The following LPAR1 variants were observed in gnomAD, a reference collection of about 807,000 sequenced individuals.
The protein encoded by LPAR1 is lysophosphatidic acid receptor 1.
Under a neutral mutation model 23.8 loss-of-function variants are expected in LPAR1, and 5 were observed. The observed-to-expected ratio is 0.21, with a 90% CI of 0.11 to 0.44. LPAR1 has a LOEUF of 0.44. LPAR1 is among the 20% of genes least tolerant of loss of function. LPAR1 has a pLI of 0.99. For synonymous variants in LPAR1, 160 were observed against 164.7 expected, an observed-to-expected ratio of 0.97 and a Z score of 0.22; for missense variants, 311 against 482.8, an observed-to-expected ratio of 0.64 and a Z score of 3.33.
chr9:110,949,438 G>T (rs1217064982), intron 4 of LPAR1, among the ~76,000 whole-genome samples: 1 of 152,124 alleles, frequency 6.6e-6, no homozygotes, highest in Non-Finnish European at 1.5e-5. Flanking sequence ...ATTCTTTAAT[G>T]CTTAGTCTTA....
chr9:110,959,825 T>C (rs1349687702), intron 4 of LPAR1, among the ~76,000 whole-genome samples: 2 of 152,008 alleles, frequency 1.3e-5, no homozygotes, highest in African/African-American at 4.8e-5. Context: ...TAAAAAAGAA[T>C]GAAATCATGT....
At chr9:110,962,260 G>C (rs118179613) in intron 4 of LPAR1, among the ~76,000 whole-genome samples, 1 of 152,152 alleles carries the variant, frequency 6.6e-6, no homozygotes, top group African/African-American at 2.4e-5. Flanking sequence ...TGTCAGAGGT[G>C]AGCCCTGCAC....
rs1397783015 is a variant in LPAR1, at chr9:110,875,160, G to A, written c.*261C>T. 1 of 387,930 alleles carries A rather than the reference G, an allele frequency of 2.6e-6. No individual in the cohort carries two copies. Among genetic ancestry groups the A allele is most frequent in the Non-Finnish European group, 4.6e-6 (1 of 216,040 alleles). 24.0% of individuals were successfully genotyped at this position (387,930 alleles called of 1,614,324 possible). ...AGTCTAAATGGACACTCCAGAGTCT[G>A]TTCTTGAATTCCATTGCAAGAGCTC... On this transcript the variant is annotated 3_prime_UTR_variant, in exon 6 of 6. Transcript: ENST00000683809.
chr9:111,001,669 A>G (rs555285205), intron 2 of LPAR1, among the ~76,000 whole-genome samples: 1 of 152,312 alleles, frequency 6.6e-6, no homozygotes, highest in Non-Finnish European at 1.5e-5. Flanking sequence ...ATTTCCTTTT[A>G]GCTTCATTTC....
At chr9:111,001,908 T>C (rs1174035576) in intron 2 of LPAR1, among the ~76,000 whole-genome samples, 5 of 152,176 alleles carry the variant, frequency 3.3e-5, no homozygotes, top group African/African-American at 4.8e-5. Context: ...AAATAATACA[T>C]ACAGCTTCTG....
In LPAR1 at chr9:110,963,042, G is replaced by A. The variant is rs2096062607; in HGVS notation, c.45+9031C>T. Among the ~76,000 whole-genome samples the A allele has an allele frequency of 2.6e-5, 4 of 152,168 alleles. No homozygotes were observed. The South Asian group carries it at 8.3e-4, about 32-fold the overall frequency. ...GTATGAAAACGAGATTGGGCAAACA[G>A]TTCCCTAATGGGCAAGAAGTGGGAA... is the stretch of plus-strand genomic sequence containing the variant. On this transcript the variant is annotated intron_variant, in intron 4 of 5. Coordinates refer to ENST00000683809, the MANE Select transcript of LPAR1 (RefSeq NM_001351411.2).
intron 5 of LPAR1, among the ~76,000 whole-genome samples, chr9:110,909,729 GTATTTATTTATTTATT>G (rs56693702): frequency 6.8e-5 from 10 of 147,876 alleles, no homozygotes; most frequent in African/African-American, 2.3e-4. Context: ...ATTAAATAAA[GTATTTATTTATTTATT>G]TATTTATTTA....
chr9:110,922,756 C>T (rs2093714476), intron 5 of LPAR1, among the ~76,000 whole-genome samples: 2 of 151,050 alleles, frequency 1.3e-5, no homozygotes. Flanking sequence ...TTAAAGTTGT[C>T]TAGGGAAGAT....
intron 5 of LPAR1, among the ~76,000 whole-genome samples, chr9:110,892,616 A>G (rs905835280): frequency 6.6e-5 from 10 of 150,730 alleles, no homozygotes; most frequent in African/African-American, 2.4e-4. Flanking sequence ...CTCAGCTGAG[A>G]TCATGCCACT....
At chr9:110,924,647 A>G (rs545355375) in intron 5 of LPAR1, among the ~76,000 whole-genome samples, 2 of 152,212 alleles carry the variant, frequency 1.3e-5, no homozygotes, top group African/African-American at 2.4e-5. Flanking sequence ...AGCCTGAGCA[A>G]CATAGCAATA....
At chr9:110,982,640 AT>A (rs2096694797) in intron 2 of LPAR1, among the ~76,000 whole-genome samples, 1 of 151,978 alleles carries the variant, frequency 6.6e-6, no homozygotes. Flanking sequence ...AAAAATAAAA[AT>A]AAAAAAATTT....
At chr9:110,896,768 T>C (rs1308714011) in intron 5 of LPAR1, among the ~76,000 whole-genome samples, 2 of 151,162 alleles carry the variant, frequency 1.3e-5, no homozygotes, top group Non-Finnish European at 2.9e-5. Context: ...TATTTGAATA[T>C]GCAACTATTT....
At chr9:110,929,931 C>T (rs1404790172) in intron 5 of LPAR1, among the ~76,000 whole-genome samples, 1 of 152,068 alleles carries the variant, frequency 6.6e-6, no homozygotes, top group Non-Finnish European at 1.5e-5. Flanking sequence ...AGAAATGATG[C>T]TTCGAGTTGC....
At chr9:110,897,653 T>C (rs1466812455) in intron 5 of LPAR1, among the ~76,000 whole-genome samples, 1 of 152,150 alleles carries the variant, frequency 6.6e-6, no homozygotes, top group Non-Finnish European at 1.5e-5. Context: ...GTTCTTCAAA[T>C]CATAGCATCC....
intron 5 of LPAR1, among the ~76,000 whole-genome samples, chr9:110,936,466 G>A (rs1213237898): frequency 1.3e-5 from 2 of 152,170 alleles, no homozygotes; most frequent in Admixed American, 1.3e-4. Context: ...CTGATTTCCA[G>A]TTCTGCCACT....
At chr9:110,989,973 TTAGTAG>T (rs2096864974) in intron 2 of LPAR1, among the ~76,000 whole-genome samples, 1 of 19,994 alleles carries the variant, frequency 5.0e-5, no homozygotes, top group African/African-American at 1.8e-4. Context: ...ACAGAGTAGA[TTAGTAG>T]ATTTTAGAGC....
In LPAR1 at chr9:111,038,060, G is replaced by A. The variant is rs896443971; in HGVS notation, c.-262+107C>T. The A allele has an allele frequency of 1.3e-5, 2 of 151,764 alleles. No individual in the cohort carries two copies. Among genetic ancestry groups the A allele is most frequent in the African/African-American group, 4.8e-5 (2 of 41,376 alleles). 9.4% of individuals were successfully genotyped at this position (151,764 alleles called of 1,614,324 possible). On this transcript the variant is annotated intron_variant, in intron 1 of 5. Transcript: ENST00000683809. This position sits in a 1 kb window ranked among gnomAD's most constrained non-coding sequence, Gnocchi z 4.4. ...CCCAACCACAAAGCCCGTCCGCGGC[G>A]GGACAGTGTGAGCCCAGCGCGCCGT... is the stretch of plus-strand genomic sequence containing the variant.
intron 2 of LPAR1, among the ~76,000 whole-genome samples, chr9:110,989,145 T>C (rs1289950326): frequency 3.9e-5 from 6 of 152,186 alleles, no homozygotes; most frequent in Admixed American, 3.3e-4. Flanking sequence ...TAGGGAGTGA[T>C]TGAAAACAAA....
At chr9:110,965,824 G>A (rs900685231) in intron 4 of LPAR1, among the ~76,000 whole-genome samples, 5 of 152,168 alleles carry the variant, frequency 3.3e-5, no homozygotes, top group South Asian at 2.1e-4. Context: ...ACATGCACAC[G>A]CATGTTTATT....
Sources: gnomAD v4.1 joint callset for allele counts (sites outside exome capture counted in the v4.1 genomes callset) on GRCh38, gnomAD v4.1.1 for gene constraint, Gnocchi (gnomAD v3.1) non-coding constraint, MANE v1.5 for transcripts, NCBI Gene and HGNC (gene_info 2026-07-23, HGNC 2026-07-21) for gene names.